LINGO2: variants seen among roughly 807,000 people sequenced by gnomAD.
LINGO2 encodes leucine-rich repeat and immunoglobulin-like domain-containing nogo receptor-interacting protein 2.
A neutral mutation model predicts 30.6 loss-of-function variants in LINGO2; 14 were observed. The observed-to-expected ratio is 0.46, with a 90% CI of 0.30 to 0.72. LINGO2 has a LOEUF of 0.72. Ranked by LOEUF, LINGO2 falls within the 30% of genes least tolerant of loss-of-function variation. LINGO2 has a pLI of 0.07. For missense variants in LINGO2, 729 were observed against 751.7 expected (o/e 0.97, Z 0.35); for synonymous variants, 317 against 288.5 (o/e 1.10, Z -1.00).
chr9:28,984,759 C>CAT, the LINGO2 span, among the ~76,000 whole-genome samples: 1 of 152,140 alleles, frequency 6.6e-6, no homozygotes. Context: ...TTTTTAATTA[C>CAT]ATATTCACGG....
intron 3 of LINGO2, among the ~76,000 whole-genome samples, chr9:28,302,286 T>C (rs184650986): frequency 4.6e-5 from 7 of 152,316 alleles, no homozygotes; most frequent in Admixed American, 3.9e-4. Context: ...GAAGAAACTG[T>C]CATCTCTCTA....
the LINGO2 span, among the ~76,000 whole-genome samples, chr9:28,883,895 C>T: frequency 6.6e-6 from 1 of 151,020 alleles, no homozygotes; most frequent in African/African-American, 2.4e-5. Context: ...ACAGGCTGGT[C>T]TCGAACTCCT....
intron 1 of LINGO2, among the ~76,000 whole-genome samples, chr9:28,662,292 A>G (rs1828614032): frequency 6.6e-6 from 1 of 152,136 alleles, no homozygotes; most frequent in Non-Finnish European, 1.5e-5. Flanking sequence ...TCCTTTTCTG[A>G]GGGGAAAATT....
the LINGO2 span, among the ~76,000 whole-genome samples, chr9:29,177,388 CAG>C: frequency 1.3e-5 from 2 of 152,146 alleles, no homozygotes; most frequent in Admixed American, 1.3e-4. Flanking sequence ...TTTGCACAGC[CAG>C]TAGAACAAGC....
the LINGO2 span, among the ~76,000 whole-genome samples, chr9:28,873,180 C>T: frequency 6.6e-6 from 1 of 151,760 alleles, no homozygotes; most frequent in African/African-American, 2.4e-5. Flanking sequence ...ATCAGCCTGG[C>T]CAGCATGGTG....
At chr9:28,507,096 T>C (rs7036471) in intron 1 of LINGO2, among the ~76,000 whole-genome samples, 72,267 of 151,880 alleles carry the variant, frequency 0.48, 18,655 homozygotes, top group Middle Eastern at 0.68. Flanking sequence ...CAAAGACTTA[T>C]ACCTTATAAG....
At chr9:28,860,958 A>G in the LINGO2 span, among the ~76,000 whole-genome samples, 1 of 133,716 alleles carries the variant, frequency 7.5e-6, no homozygotes, top group African/African-American at 2.8e-5. Flanking sequence ...TATATAATAT[A>G]TTATATATCA....
rs115311477 is a variant in LINGO2 at position 28,363,108 on chromosome 9, G to A, written c.-246+9728C>T. 5.0e-3 allele frequency among the ~76,000 whole-genome samples: 767 copies of A among 152,166 alleles called. 5 individuals are homozygous for A. The highest frequency in any genetic ancestry group is 0.018 in the African/African-American group (738 of 41,502). On this transcript the variant is annotated intron_variant, in intron 3 of 5. Coordinates refer to ENST00000379992, the Ensembl canonical transcript of LINGO2. ...CTATTTAATATTCATAAACCCCTCA[G>A]GATGCATCCTCCATTTTGTGGATAA...
the LINGO2 span, among the ~76,000 whole-genome samples, chr9:29,149,591 C>T: frequency 8.9e-3 from 1,353 of 151,894 alleles, 26 homozygotes; most frequent in African/African-American, 0.031. Context: ...CACCCCTGAA[C>T]AGCTCCTAGG....
chr9:28,415,815 T>C (rs532281462), intron 2 of LINGO2, among the ~76,000 whole-genome samples: 14 of 152,190 alleles, frequency 9.2e-5, no homozygotes, highest in Non-Finnish European at 2.1e-4. Context: ...AATTATTATA[T>C]AGTGGCTGGC....
In LINGO2 at chr9:28,299,937, T is replaced by G. The variant is rs566366438; in HGVS notation, c.-245-4571A>C. On this transcript the variant is annotated intron_variant, in intron 3 of 5. Coordinates refer to ENST00000379992, the Ensembl canonical transcript of LINGO2. ...TTCTTACCCAGCTTACTCAGCATGG[T>G]GTCCAAACAACTTTATAGATTTCCA... Among the ~76,000 whole-genome samples the G allele has an allele frequency of 6.6e-5, 10 of 152,264 alleles. No homozygotes were observed. In the South Asian group the frequency reaches 2.1e-3, roughly 32 times the overall value.
chr9:28,765,969 A>C, the LINGO2 span, among the ~76,000 whole-genome samples: 1 of 152,082 alleles, frequency 6.6e-6, no homozygotes, highest in East Asian at 1.9e-4. Flanking sequence ...TAAAGACCTA[A>C]ACACAAGACC....
chr9:28,060,732 G>A (rs1259063664), intron 4 of LINGO2, among the ~76,000 whole-genome samples: 3 of 152,172 alleles, frequency 2.0e-5, no homozygotes, highest in Admixed American at 6.6e-5. Context: ...ACCAGCATCT[G>A]AAAGGAGATT....
chr9:27,992,987 A>G (rs1276725077), intron 5 of LINGO2, among the ~76,000 whole-genome samples: 1 of 152,144 alleles, frequency 6.6e-6, no homozygotes, highest in African/African-American at 2.4e-5. Context: ...TATATTAACT[A>G]GAATATATTG....
intron 2 of LINGO2, among the ~76,000 whole-genome samples, chr9:28,402,996 C>A (rs1371619346): frequency 6.6e-6 from 1 of 152,114 alleles, no homozygotes; most frequent in African/African-American, 2.4e-5. Flanking sequence ...GCCTCAGATT[C>A]TTAATGCATA....
chr9:29,161,099 A>G, the LINGO2 span, among the ~76,000 whole-genome samples: 1 of 152,330 alleles, frequency 6.6e-6, no homozygotes, highest in East Asian at 1.9e-4. Context: ...GCCCAGAGGG[A>G]AAGAGTTAAG....
chr9:28,189,172 A>G (rs4878818), intron 4 of LINGO2, among the ~76,000 whole-genome samples: 149,375 of 151,386 alleles, frequency 0.99, 73,741 homozygotes, highest in Middle Eastern at 1. Context: ...AGAAATGAAA[A>G]CAAAGATAGC....
intron 2 of LINGO2, among the ~76,000 whole-genome samples, chr9:28,407,216 CAAT>C (rs1822548959): frequency 6.9e-6 from 1 of 145,280 alleles, no homozygotes; most frequent in Non-Finnish European, 1.5e-5. Context: ...AATTTAAAAA[CAAT>C]AAAAAAAGGA....
chr9:28,717,301 T>G, the LINGO2 span, among the ~76,000 whole-genome samples: 2 of 150,830 alleles, frequency 1.3e-5, no homozygotes, highest in East Asian at 3.9e-4. Flanking sequence ...GTTACAAGAT[T>G]TATTTCCCAT....
Sources: gnomAD v4.1 joint callset for allele counts (sites outside exome capture counted in the v4.1 genomes callset) on GRCh38, gnomAD v4.1.1 for gene constraint, MANE v1.5 for transcripts, NCBI Gene and HGNC (gene_info 2026-07-23, HGNC 2026-07-21) for gene names.